Variants in CHRM3 observed in about 807,000 individuals in gnomAD.
CHRM3 encodes the protein muscarinic acetylcholine receptor M3.
CHRM3 carries 11 observed loss-of-function variants against 41.8 expected under a neutral mutation model. The ratio of observed to expected loss-of-function variants is 0.26; its 90% CI spans 0.17 to 0.44. The LOEUF (loss-of-function observed/expected upper bound fraction) is 0.44. CHRM3 is among the 20% of genes least tolerant of loss of function. The probability of loss-of-function intolerance (pLI) is 1.00; values close to 1 mark genes in which losing one functional copy is unlikely to be tolerated. For missense variants in CHRM3, 571 were observed against 745.4 expected (o/e 0.77, Z 2.72); for synonymous variants, 297 against 301.4 (o/e 0.99, Z 0.15).
intron 5 of CHRM3, among the ~76,000 whole-genome samples, chr1:239,771,276 G>T (rs926478675): frequency 9.2e-5 from 14 of 151,884 alleles, no homozygotes; most frequent in Non-Finnish European, 1.5e-4. Flanking sequence ...TATCTCTTCA[G>T]TTCTAGCCTC....
chr1:239,545,325 G>A (rs1659186260), intron 2 of CHRM3, among the ~76,000 whole-genome samples: 1 of 152,198 alleles, frequency 6.6e-6, no homozygotes, highest in South Asian at 2.1e-4. Flanking sequence ...TAGAGATTCA[G>A]AGTGTGGGAG....
intron 5 of CHRM3, among the ~76,000 whole-genome samples, chr1:239,714,585 A>G (rs548499316): frequency 2.6e-5 from 4 of 152,310 alleles, no homozygotes; most frequent in South Asian, 4.1e-4. Flanking sequence ...CAGAATTTGC[A>G]CAAACACATA....
intron 4 of CHRM3, among the ~76,000 whole-genome samples, chr1:239,677,441 A>G (rs1487000625): frequency 6.6e-6 from 1 of 152,200 alleles, no homozygotes; most frequent in Non-Finnish European, 1.5e-5. Context: ...TTGTGCTGCT[A>G]TAACAAAATA....
intron 5 of CHRM3, among the ~76,000 whole-genome samples, chr1:239,757,915 A>C (rs981499745): frequency 1.3e-5 from 2 of 152,206 alleles, no homozygotes; most frequent in African/African-American, 4.8e-5. Flanking sequence ...TTTAAAGACA[A>C]GTCACTCTTC....
intron 5 of CHRM3, among the ~76,000 whole-genome samples, chr1:239,766,918 G>T (rs1421931475): frequency 6.6e-6 from 1 of 152,032 alleles, no homozygotes; most frequent in South Asian, 2.1e-4. Context: ...CGCCATTTTG[G>T]CCAGGCTGGT....
intron 6 of CHRM3, among the ~76,000 whole-genome samples, chr1:239,889,230 G>A (rs1381395989): frequency 6.6e-6 from 1 of 152,174 alleles, no homozygotes; most frequent in Non-Finnish European, 1.5e-5. Context: ...ACGGAAGATT[G>A]GTTGGATCAG....
intron 2 of CHRM3, among the ~76,000 whole-genome samples, chr1:239,527,874 CTG>C (rs1381318500): frequency 2.6e-5 from 4 of 152,216 alleles, no homozygotes; most frequent in Non-Finnish European, 4.4e-5. Flanking sequence ...AAGCTATTAA[CTG>C]TATTTCATTA....
intron 2 of CHRM3, among the ~76,000 whole-genome samples, chr1:239,543,926 T>C (rs555904217): frequency 1.1e-3 from 160 of 152,350 alleles, no homozygotes; most frequent in African/African-American, 3.7e-3. Context: ...AGAGACGATA[T>C]GTAAATGAAT....
At chr1:239,389,741 ATC>A (rs367897233) in intron 1 of CHRM3, among the ~76,000 whole-genome samples, 26 of 152,200 alleles carry the variant, frequency 1.7e-4, no homozygotes, top group African/African-American at 5.1e-4. Context: ...TTTAGTTAAA[ATC>A]TCTGTCATTT....
chr1:239,818,220 A>C (rs879633288), intron 5 of CHRM3, among the ~76,000 whole-genome samples: 2 of 151,946 alleles, frequency 1.3e-5, no homozygotes, highest in African/African-American at 2.4e-5. Context: ...CAAAAAGAGA[A>C]CTCTGATTTA....
intron 2 of CHRM3, among the ~76,000 whole-genome samples, chr1:239,544,574 A>C (rs1659105574): frequency 6.6e-6 from 1 of 152,224 alleles, no homozygotes; most frequent in African/African-American, 2.4e-5. Context: ...AACTTTGGCA[A>C]GTAAATTAAA....
chr1:239,423,191 T>A (rs1442545196), intron 1 of CHRM3, among the ~76,000 whole-genome samples: 1 of 152,238 alleles, frequency 6.6e-6, no homozygotes, highest in Non-Finnish European at 1.5e-5. Context: ...AAATTTTATC[T>A]TCTTCCGCAT....
intron 5 of CHRM3, among the ~76,000 whole-genome samples, chr1:239,688,740 A>G (rs983799356): frequency 7.3e-6 from 1 of 136,278 alleles, no homozygotes; most frequent in Non-Finnish European, 1.5e-5. Context: ...ATAATATTAT[A>G]TATAATACAT....
At chr1:239,448,421 G>A (rs1299156176) in intron 1 of CHRM3, among the ~76,000 whole-genome samples, 1 of 151,996 alleles carries the variant, frequency 6.6e-6, no homozygotes, top group African/African-American at 2.4e-5. Flanking sequence ...AATATATTAG[G>A]TTGGAGTCTA....
chr1:239,654,998 G>A (rs1366781294), intron 4 of CHRM3, among the ~76,000 whole-genome samples: 4 of 152,184 alleles, frequency 2.6e-5, no homozygotes, highest in Admixed American at 2.6e-4. Flanking sequence ...TCTGCTACTG[G>A]ACGTTGTTCT....
At chr1:239,453,542 C>T (rs55684684) in intron 1 of CHRM3, among the ~76,000 whole-genome samples, 3,255 of 152,198 alleles carry the variant, frequency 0.021, 102 homozygotes, top group African/African-American at 0.074. Context: ...TTATTAGAAA[C>T]AAGATGCTGC....
At chr1:239,512,397 G>A (rs1668981884) in intron 2 of CHRM3, among the ~76,000 whole-genome samples, 1 of 152,102 alleles carries the variant, frequency 6.6e-6, no homozygotes, top group Non-Finnish European at 1.5e-5. Flanking sequence ...GGATCTCCTA[G>A]GAAGGTGGCT....
chr1:239,766,153 T>C (rs1267322388), intron 5 of CHRM3, among the ~76,000 whole-genome samples: 1 of 152,002 alleles, frequency 6.6e-6, no homozygotes, highest in Non-Finnish European at 1.5e-5. Context: ...GTGCCAGATC[T>C]GGGAGAGATA....
chr1:239,607,660 A>G (rs1442926333), intron 3 of CHRM3, among the ~76,000 whole-genome samples: 1 of 150,766 alleles, frequency 6.6e-6, no homozygotes, highest in African/African-American at 2.5e-5. Context: ...AGCTCAAACT[A>G]AAAAAAAGGC....
Sources: allele counts gnomAD v4.1 joint callset (sites outside exome capture counted in the v4.1 genomes callset), GRCh38; gene constraint gnomAD v4.1.1; transcripts MANE v1.5; gene names NCBI Gene and HGNC (gene_info 2026-07-23, HGNC 2026-07-21).